Variants in CSMD3 observed in about 807,000 individuals in gnomAD.
CSMD3 encodes CUB and sushi domain-containing protein 3.
In CSMD3, 177 loss-of-function variants were observed where a neutral mutation model predicts 435.2. The ratio of observed to expected loss-of-function variants is 0.41; its 90% CI spans 0.36 to 0.46. The LOEUF is 0.46. CSMD3 is among the 20% of genes least tolerant of loss of function. The probability of loss-of-function intolerance (pLI) is 0.34; values close to 1 mark genes in which losing one functional copy is unlikely to be tolerated. For synonymous variants in CSMD3, 1,656 were observed against 1,520.5 expected, an observed-to-expected ratio of 1.09 and a Z score of -2.07; for missense variants, 4,265 against 4,504.6, an observed-to-expected ratio of 0.95 and a Z score of 1.52.
intron 53 of CSMD3, among the ~76,000 whole-genome samples, chr8:112,297,783 G>A (rs920178486): frequency 2.6e-5 from 4 of 151,972 alleles, no homozygotes; most frequent in African/African-American, 9.7e-5. Flanking sequence ...TTGAATAATT[G>A]TATTTTATAT....
At chr8:112,974,487 A>G (rs1331710930) in intron 7 of CSMD3, among the ~76,000 whole-genome samples, 1 of 151,900 alleles carries the variant, frequency 6.6e-6, no homozygotes, top group African/African-American at 2.4e-5. Context: ...AGTTTTTAAC[A>G]TTTTAATATA....
chr8:112,683,606 C>A (rs1259428604), intron 15 of CSMD3, among the ~76,000 whole-genome samples: 2 of 151,898 alleles, frequency 1.3e-5, no homozygotes, highest in African/African-American at 4.8e-5. Flanking sequence ...TCTCTGTATT[C>A]ATCTGAGTGA....
intron 32 of CSMD3, among the ~76,000 whole-genome samples, chr8:112,419,151 T>C (rs1044340352): frequency 6.6e-6 from 1 of 152,196 alleles, no homozygotes; most frequent in Non-Finnish European, 1.5e-5. Flanking sequence ...ACATATCAGT[T>C]AGATTCCAGG....
chr8:113,239,820 A>G (rs1464530434), intron 3 of CSMD3, among the ~76,000 whole-genome samples: 2 of 152,184 alleles, frequency 1.3e-5, no homozygotes, highest in African/African-American at 2.4e-5. Context: ...TAGAAAATAC[A>G]TATATCCTCA....
Position 112,414,463 on chromosome 8 carries a change from C to T in CSMD3, c.5396-5431G>A, listed in dbSNP as rs143964565. Among the ~76,000 whole-genome samples the T allele has an allele frequency of 4.3e-3, 651 of 152,198 alleles. 2 individuals carry two copies. The highest frequency in any genetic ancestry group is 0.015 in the African/African-American group (613 of 41,518). ...CCTTCTGCCATGATTGTAAATTTCC[C>T]GAGGCCTCCTCAGCAATGTAGAACT... On this transcript the variant is annotated intron_variant, in intron 32 of 70. Transcript: ENST00000297405.
At chr8:112,648,267 G>A (rs1211917374) in intron 19 of CSMD3, among the ~76,000 whole-genome samples, 1 of 152,220 alleles carries the variant, frequency 6.6e-6, no homozygotes. Flanking sequence ...AGTTCAGTTC[G>A]AGTCAACAGA....
At chr8:112,235,518 GAAGCAAA>G (rs1813489149) in intron 67 of CSMD3, among the ~76,000 whole-genome samples, 1 of 152,180 alleles carries the variant, frequency 6.6e-6, no homozygotes, top group South Asian at 2.1e-4. Context: ...ATAAGGAAGA[GAAGCAAA>G]AATATATACA....
At chr8:112,372,050 C>CA (rs1369322014) in intron 38 of CSMD3, among the ~76,000 whole-genome samples, 1 of 151,768 alleles carries the variant, frequency 6.6e-6, no homozygotes, top group African/African-American at 2.4e-5. Context: ...CAGGCTAAAA[C>CA]AAAAAACATG....
chr8:112,769,703 TTGTAA>T (rs1215457695), intron 13 of CSMD3, among the ~76,000 whole-genome samples: 2 of 152,026 alleles, frequency 1.3e-5, no homozygotes, highest in Admixed American at 6.6e-5. Context: ...TTTGGTTGTC[TTGTAA>T]TGAATCATCA....
intron 32 of CSMD3, among the ~76,000 whole-genome samples, chr8:112,448,703 C>A (rs560724946): frequency 6.7e-6 from 1 of 149,796 alleles, no homozygotes. Flanking sequence ...TTTGTTACAC[C>A]AGCCCTAAGA....
intron 5 of CSMD3, among the ~76,000 whole-genome samples, chr8:113,031,058 G>C (rs1178952265): frequency 6.6e-6 from 1 of 151,530 alleles, no homozygotes; most frequent in East Asian, 1.9e-4. Context: ...ATGTAAAATG[G>C]TATACCAACA....
chr8:112,336,207 G>T (rs1335451890), intron 44 of CSMD3, among the ~76,000 whole-genome samples: 1 of 152,014 alleles, frequency 6.6e-6, no homozygotes, highest in East Asian at 1.9e-4. Flanking sequence ...ACTGCACCTG[G>T]CCTTAATATA....
intron 4 of CSMD3, among the ~76,000 whole-genome samples, chr8:113,104,244 G>A (rs754128178): frequency 1.3e-5 from 2 of 152,040 alleles, no homozygotes; most frequent in Non-Finnish European, 2.9e-5. Flanking sequence ...CAGATGCTAA[G>A]CATTCAATTC....
intron 32 of CSMD3, among the ~76,000 whole-genome samples, chr8:112,435,110 A>C (rs1814176948): frequency 6.6e-6 from 1 of 152,086 alleles, no homozygotes; most frequent in African/African-American, 2.4e-5. Flanking sequence ...AACCACAGAC[A>C]CTGTTACCTT....
chr8:112,419,902 G>A (rs952916851), intron 32 of CSMD3, among the ~76,000 whole-genome samples: 2 of 152,072 alleles, frequency 1.3e-5, no homozygotes, highest in Non-Finnish European at 2.9e-5. Flanking sequence ...CACAATAAGC[G>A]ATTCCATTGT....
At chr8:113,195,322 A>G (rs2092638955) in intron 3 of CSMD3, among the ~76,000 whole-genome samples, 1 of 149,992 alleles carries the variant, frequency 6.7e-6, no homozygotes, top group Non-Finnish European at 1.5e-5. Context: ...GAAGCAGACT[A>G]TTGAAAGAGC....
At chr8:112,965,098 C>A (rs2130882028) in intron 7 of CSMD3, among the ~76,000 whole-genome samples, 2 of 152,046 alleles carry the variant, frequency 1.3e-5, no homozygotes, top group Middle Eastern at 3.4e-3. Context: ...TACATAGGAC[C>A]ATTTCTTCAT....
chr8:113,272,204 G>A (rs897146644), intron 3 of CSMD3, among the ~76,000 whole-genome samples: 2 of 152,130 alleles, frequency 1.3e-5, no homozygotes, highest in Admixed American at 1.3e-4. Context: ...GCTGAAATGA[G>A]TTAAGACTTT....
In CSMD3 at chr8:113,374,818, T is replaced by TAAAAA. The variant is rs1215451792; in HGVS notation, c.179-60030_179-60026dup. ...CCATATGCACCTTGTTGTTAAAAAG[T>TAAAAA]AAAAAAAAAAAAAAAAAAAAAAAAA... On this transcript the variant is annotated intron_variant, in intron 1 of 70. Transcript: ENST00000297405. 2.0e-3 allele frequency among the ~76,000 whole-genome samples: 57 copies of TAAAAA among 28,106 alleles called. 4 individuals carry two copies. The highest frequency in any genetic ancestry group is 4.4e-3 in the African/African-American group (37 of 8,432). 18.4% of individuals were successfully genotyped at this position (28,106 alleles called of 152,430 possible).
Sources: allele counts gnomAD v4.1 joint callset (sites outside exome capture counted in the v4.1 genomes callset), GRCh38; gene constraint gnomAD v4.1.1; transcripts MANE v1.5; gene names NCBI Gene and HGNC (gene_info 2026-07-23, HGNC 2026-07-21).